Variants in FAT3 observed in about 807,000 individuals in gnomAD.
FAT3 encodes protocadherin Fat 3.
In FAT3, 95 loss-of-function variants were observed where a neutral mutation model predicts 310.2. The observed-to-expected ratio is 0.31, with a 90% CI of 0.26 to 0.36. The LOEUF is 0.36. FAT3 is among the 10% of genes least tolerant of loss of function. The pLI, the probability that FAT3 is intolerant of heterozygous loss-of-function variation, is 1.00. For missense variants in FAT3, 5,408 were observed against 5,715.6 expected (o/e 0.95, Z 1.74); for synonymous variants, 2,314 against 2,192.9 (o/e 1.06, Z -1.54).
rs1948446800 is a variant in FAT3, at chr11:92,837,896, A to C, written c.10368+90A>C. On this transcript the variant is annotated intron_variant, in intron 17 of 27. Coordinates refer to ENST00000525166, the MANE Select transcript of FAT3 (RefSeq NM_001367949.2). ...TTACTCATTGTGGTTTATTGCTACT[A>C]TTACTTAATGTCATCTCATCCCTTC... is the stretch of plus-strand genomic sequence containing the variant. 6 of 1,491,082 alleles carry C rather than the reference A, an allele frequency of 4.0e-6. No homozygotes were observed. The East Asian group carries it at 1.4e-4, about 34-fold the overall frequency. 92.4% of individuals were successfully genotyped at this position (1,491,082 alleles called of 1,614,324 possible). A position where few individuals can be genotyped will look rare whatever the true frequency, so the allele number is the denominator to read the frequency against.
intron 1 of FAT3, among the ~76,000 whole-genome samples, chr11:92,320,722 T>C (rs1249903810): frequency 1.3e-5 from 2 of 151,850 alleles, no homozygotes; most frequent in Non-Finnish European, 2.9e-5. Context: ...AAAAAAAAAT[T>C]AGCTGGTCAT....
chr11:92,862,863 A>C (rs1464221283), intron 21 of FAT3, among the ~76,000 whole-genome samples: 1 of 152,232 alleles, frequency 6.6e-6, no homozygotes, highest in Non-Finnish European at 1.5e-5. Context: ...CTGTGAGGAA[A>C]CTAAGGCTCA....
At chr11:92,384,718 A>G (rs1949578835) in intron 2 of FAT3, among the ~76,000 whole-genome samples, 1 of 152,148 alleles carries the variant, frequency 6.6e-6, no homozygotes, top group African/African-American at 2.4e-5. Context: ...ATTACATTCA[A>G]AAGGAATTTA....
intron 2 of FAT3, among the ~76,000 whole-genome samples, chr11:92,432,105 C>G (rs1950797926): frequency 6.6e-6 from 1 of 152,260 alleles, no homozygotes; most frequent in South Asian, 2.1e-4. Context: ...GCCATTTTCA[C>G]AATATTGATT....
Position 92,789,961 on chromosome 11 carries a change from G to C in FAT3, c.4354G>C (p.Asp1452His). Residue 1452 changes from aspartate (D) to histidine (H), a missense_variant, in exon 8 of 28, where the codon GAT becomes CAT. By Grantham distance (81) the Asp-to-His change is moderately conservative. This residue lies in a region of FAT3 where 4,588 missense variants were observed against 4,809.8 expected (regional missense o/e 0.95). Coordinates refer to ENST00000525166, the MANE Select transcript of FAT3 (RefSeq NM_001367949.2). Reference protein sequence around the residue: ...AVTQVFIKVLDNNDNGPEFSQ... With the variant: ...AVTQVFIKVLHNNDNGPEFSQ... ...ACTACAGGTATTTATCAAAGTGCTG[G>C]ATAATAATGATAATGGCCCAGAATT... 6.2e-7 allele frequency: 1 copy of C among 1,613,590 alleles called. No individual in the cohort carries two copies. The highest frequency in any genetic ancestry group is 1.3e-5 in the African/African-American group (1 of 74,994).
intron 2 of FAT3, among the ~76,000 whole-genome samples, chr11:92,509,408 A>C (rs1953216739): frequency 6.6e-6 from 1 of 152,202 alleles, no homozygotes; most frequent in Non-Finnish European, 1.5e-5. Context: ...TATTCATCTA[A>C]ACATGAGTTA....
intron 10 of FAT3, among the ~76,000 whole-genome samples, chr11:92,803,276 G>C (rs1158011453): frequency 6.6e-6 from 1 of 152,208 alleles, no homozygotes; most frequent in Non-Finnish European, 1.5e-5. Context: ...AAAGTAATGA[G>C]TACAGAGTAG....
chr11:92,868,673 G>A (rs549852649), intron 22 of FAT3, among the ~76,000 whole-genome samples: 35 of 152,300 alleles, frequency 2.3e-4, no homozygotes, highest in South Asian at 4.1e-4. Flanking sequence ...ATGGCAGGAC[G>A]TTGTTTTTGC....
At chr11:92,528,873 G>C (rs1053846944) in intron 3 of FAT3, among the ~76,000 whole-genome samples, 1 of 152,134 alleles carries the variant, frequency 6.6e-6, no homozygotes. Context: ...TAACTATTAC[G>C]ATCATCATCA....
intron 2 of FAT3, among the ~76,000 whole-genome samples, chr11:92,467,634 A>C (rs528492738): frequency 6.6e-6 from 1 of 152,112 alleles, no homozygotes; most frequent in Non-Finnish European, 1.5e-5. Flanking sequence ...TCTGTCATGC[A>C]TCCCCAGTCC....
chr11:92,755,148 C>T (rs371440308), intron 4 of FAT3, among the ~76,000 whole-genome samples: 323 of 152,256 alleles, frequency 2.1e-3, no homozygotes, highest in African/African-American at 7.6e-3. Flanking sequence ...GTCTGTTTTA[C>T]ATCATGGTGA....
At chr11:92,498,397 A>G (rs965171172) in intron 2 of FAT3, 1 of 216,156 alleles carries the variant, frequency 4.6e-6, no homozygotes, top group Non-Finnish European at 9.6e-6. Flanking sequence ...ATTTCTTTCA[A>G]ATTATTTGTC....
rs546078121 is a variant in FAT3 at position 92,418,484 on chromosome 11, C to T, written c.3292+63080C>T. On this transcript the variant is annotated intron_variant, in intron 2 of 27. Coordinates refer to ENST00000525166, the MANE Select transcript of FAT3 (RefSeq NM_001367949.2). ...ATTTCATCATAACAATTTTTGGCATCGATTAGACTCTGTGCCTTGCTGTTG... is the reference window on the plus strand; with the variant it reads ...ATTTCATCATAACAATTTTTGGCATTGATTAGACTCTGTGCCTTGCTGTTG... Among the ~76,000 whole-genome samples the T allele has an allele frequency of 2.2e-3, 266 of 121,446 alleles. 1 individual carries two copies. Among genetic ancestry groups the T allele is most frequent in the Non-Finnish European group, 2.9e-3 (180 of 63,102 alleles). The allele number at this position is 121,446 out of a possible 152,430, so 79.7% of individuals were successfully genotyped here.
At chr11:92,875,977 C>T (rs960947823) in intron 22 of FAT3, among the ~76,000 whole-genome samples, 4 of 152,152 alleles carry the variant, frequency 2.6e-5, no homozygotes, top group Admixed American at 6.5e-5. Context: ...GTCCCATGAC[C>T]TGAGTTAGAA....
chr11:92,888,965 T>C (rs1477030648), intron 25 of FAT3, among the ~76,000 whole-genome samples: 1 of 152,172 alleles, frequency 6.6e-6, no homozygotes, highest in African/African-American at 2.4e-5. Flanking sequence ...GGACTGGCAT[T>C]GGATTTGCTG....
At chr11:92,780,624 C>T (rs1946721927) in intron 7 of FAT3, among the ~76,000 whole-genome samples, 1 of 152,140 alleles carries the variant, frequency 6.6e-6, no homozygotes, top group South Asian at 2.1e-4. Flanking sequence ...CTACACAATG[C>T]TGTCTCTTAA....
chr11:92,233,661 CTTATAT>C (rs1169504300), intron 1 of FAT3, among the ~76,000 whole-genome samples: 1 of 152,048 alleles, frequency 6.6e-6, no homozygotes, highest in Non-Finnish European at 1.5e-5. Context: ...AACAATGGGA[CTTATAT>C]TTATATTCAG....
At chr11:92,575,495 G>A (rs928291014) in intron 3 of FAT3, among the ~76,000 whole-genome samples, 1 of 152,154 alleles carries the variant, frequency 6.6e-6, no homozygotes, top group Non-Finnish European at 1.5e-5. Flanking sequence ...TAAGTACAAA[G>A]TATATCAATC....
intron 3 of FAT3, among the ~76,000 whole-genome samples, chr11:92,657,363 T>C (rs977769806): frequency 6.6e-6 from 1 of 152,186 alleles, no homozygotes; most frequent in Non-Finnish European, 1.5e-5. Flanking sequence ...TCCTGGGCAA[T>C]AATTTTGCTG....
Sources: allele counts gnomAD v4.1 joint callset (sites outside exome capture counted in the v4.1 genomes callset), GRCh38; gene constraint gnomAD v4.1.1; regional missense constraint gnomAD v4.1.1; transcripts MANE v1.5; gene names NCBI Gene and HGNC (gene_info 2026-07-23, HGNC 2026-07-21).